Variants in EPB41L5 observed in about 807,000 individuals in gnomAD.
EPB41L5 encodes the protein band 4.1-like protein 5.
EPB41L5 carries 55 observed loss-of-function variants against 106.6 expected under a neutral mutation model. That is an observed-to-expected ratio of 0.52 (90% CI 0.42 to 0.65). The LOEUF is 0.65. Ranked by LOEUF, EPB41L5 falls within the 30% of genes least tolerant of loss-of-function variation. EPB41L5 has a pLI of 0.00. For synonymous variants in EPB41L5, 297 were observed against 306.7 expected (o/e 0.97, Z 0.33); for missense variants, 871 against 882.1 (o/e 0.99, Z 0.16).
chr2:120,136,657 G>T (rs1160367068), intron 18 of EPB41L5, among the ~76,000 whole-genome samples: 1 of 151,766 alleles, frequency 6.6e-6, no homozygotes, highest in East Asian at 1.9e-4. Context: ...GACAAAGAAG[G>T]TCATTATATA....
intron 10 of EPB41L5, among the ~76,000 whole-genome samples, chr2:120,084,530 C>T (rs370679599): frequency 7.2e-5 from 11 of 152,080 alleles, no homozygotes; most frequent in East Asian, 1.9e-4. Flanking sequence ...GTGGGTAACC[C>T]GACCTTTCTC....
intron 1 of EPB41L5, among the ~76,000 whole-genome samples, chr2:120,015,310 G>A (rs1677441355): frequency 6.7e-6 from 1 of 149,132 alleles, no homozygotes; most frequent in African/African-American, 2.5e-5. Flanking sequence ...CTGGGCAACA[G>A]AGCGAGACTC....
In EPB41L5 at chr2:120,176,184, G is replaced by A. The variant is rs1687912753; in HGVS notation, c.*1277G>A. ...GCTTTATAATTTTCGAATGAACAAGGTAAACCTCGGTTGCCATGGGGAAGA... is the reference window on the plus strand; with the variant it reads ...GCTTTATAATTTTCGAATGAACAAGATAAACCTCGGTTGCCATGGGGAAGA... On this transcript the variant is annotated 3_prime_UTR_variant, in exon 25 of 25. Transcript: ENST00000263713. 1 of 152,600 alleles carries A rather than the reference G, an allele frequency of 6.6e-6. No homozygotes were observed. Among genetic ancestry groups the A allele is most frequent in the Non-Finnish European group, 1.5e-5 (1 of 68,036 alleles). The allele number at this position is 152,600 out of a possible 1,614,324, so 9.5% of individuals were successfully genotyped here. A position where few individuals can be genotyped will look rare whatever the true frequency, so the allele number is the denominator to read the frequency against.
At chr2:120,153,903 T>C (rs1196199525) in intron 20 of EPB41L5, among the ~76,000 whole-genome samples, 1 of 152,240 alleles carries the variant, frequency 6.6e-6, no homozygotes, top group Non-Finnish European at 1.5e-5. Context: ...TAGTGAGGCT[T>C]GTAGATAACA....
At chr2:120,120,431 C>CAAAA (rs35837378) in intron 16 of EPB41L5, among the ~76,000 whole-genome samples, 1 of 92,806 alleles carries the variant, frequency 1.1e-5, no homozygotes, top group South Asian at 4.2e-4. Flanking sequence ...CACTCAATCT[C>CAAAA]AAAAAAAAAA....
In EPB41L5 at chr2:120,100,198, G is replaced by A. The variant is rs1271023623; in HGVS notation, c.1179-46G>A. ...GTGTTATCTTACAAAATGAAGTCCT[G>A]AAATTTCATATAGGGTTTTTAATTG... On this transcript the variant is annotated intron_variant, in intron 14 of 24. Coordinates refer to ENST00000263713, the MANE Select transcript of EPB41L5 (RefSeq NM_020909.4). 3 of 1,508,960 alleles carry A rather than the reference G, an allele frequency of 2.0e-6. No homozygotes were observed. In the Admixed American group the frequency reaches 5.2e-5, roughly 26 times the overall value. The allele number at this position is 1,508,960 out of a possible 1,614,324, so 93.5% of individuals were successfully genotyped here. A position where few individuals can be genotyped will look rare whatever the true frequency, so the allele number is the denominator to read the frequency against.
At chr2:120,095,154 C>T (rs543028749) in intron 14 of EPB41L5, among the ~76,000 whole-genome samples, 1 of 152,080 alleles carries the variant, frequency 6.6e-6, no homozygotes, top group African/African-American at 2.4e-5. Flanking sequence ...TTGTCTATTT[C>T]TTCCTTCAGT....
chr2:120,085,076 C>T (rs1014538592), intron 10 of EPB41L5, among the ~76,000 whole-genome samples: 1 of 152,102 alleles, frequency 6.6e-6, no homozygotes, highest in African/African-American at 2.4e-5. Context: ...TTCGAACTTC[C>T]TCCTTTAGCT....
chr2:120,030,517 G>A (rs972426682), intron 2 of EPB41L5, among the ~76,000 whole-genome samples: 2 of 152,066 alleles, frequency 1.3e-5, no homozygotes, highest in Non-Finnish European at 2.9e-5. Flanking sequence ...TGACCAGTCA[G>A]CATTCCCCTC....
intron 16 of EPB41L5, among the ~76,000 whole-genome samples, chr2:120,103,854 G>T (rs1330741640): frequency 6.6e-6 from 1 of 151,998 alleles, no homozygotes; most frequent in Non-Finnish European, 1.5e-5. Context: ...TTCCATATTG[G>T]TATTTTTCAT....
chr2:120,029,451 C>T (rs1031428327), intron 2 of EPB41L5, among the ~76,000 whole-genome samples: 12 of 152,184 alleles, frequency 7.9e-5, no homozygotes, highest in African/African-American at 2.4e-4. Context: ...CTGCCTCAAC[C>T]TCCCAAAGTG....
chr2:120,177,835 C>T lies in EPB41L5; in HGVS notation c.*2928C>T, dbSNP rs2104527722. On this transcript the variant is annotated 3_prime_UTR_variant, in exon 25 of 25. Coordinates refer to ENST00000263713, the MANE Select transcript of EPB41L5 (RefSeq NM_020909.4). ...TCCTATGGAGATTTAAGGATGAAAG[C>T]CCTGAGTTGTTCTTGGGTTCTTGGA... 6.6e-6 allele frequency: 1 copy of T among 152,280 alleles called. No homozygotes were observed. The allele number at this position is 152,280 out of a possible 1,614,324, so 9.4% of individuals were successfully genotyped here.
At chr2:120,161,114 ACAC>A in intron 21 of EPB41L5, 140 bp downstream of exon 21, 1 of 652,066 alleles carries the variant, frequency 1.5e-6, no homozygotes, top group South Asian at 1.8e-5. Context: ...ACAGGGGCTC[ACAC>A]CTATAATTCC....
chr2:120,036,842 G>A (rs1017641191), intron 2 of EPB41L5, among the ~76,000 whole-genome samples: 1 of 152,030 alleles, frequency 6.6e-6, no homozygotes, highest in Non-Finnish European at 1.5e-5. Context: ...GGAAAGAAAG[G>A]ATATAATATG....
intron 2 of EPB41L5, 113 bp downstream of exon 2, chr2:120,019,377 G>T: frequency 1.0e-6 from 1 of 957,230 alleles, no homozygotes; most frequent in Non-Finnish European, 1.5e-6. Flanking sequence ...GGTATTATGG[G>T]TTAGTATAGA....
At chr2:120,016,245 C>T (rs1401876436) in intron 1 of EPB41L5, among the ~76,000 whole-genome samples, 1 of 152,162 alleles carries the variant, frequency 6.6e-6, no homozygotes, top group African/African-American at 2.4e-5. Context: ...GCCTGGCCAA[C>T]ATGGTGAAAC....
Position 120,145,640 on chromosome 2 carries a change from A to T in EPB41L5, c.1729-585A>T, listed in dbSNP as rs181205209. 4.0e-3 allele frequency among the ~76,000 whole-genome samples: 614 copies of T among 152,144 alleles called. 4 individuals are homozygous for T. Among genetic ancestry groups the T allele is most frequent in the Middle Eastern group, 0.014 (4 of 294 alleles). On this transcript the variant is annotated intron_variant, in intron 19 of 24. Coordinates refer to ENST00000263713, the MANE Select transcript of EPB41L5 (RefSeq NM_020909.4). ...AAAAAAATTTATTAAACTGTACTTT[A>T]AAAAAAATTGGTGCATTATTGATGC... is the stretch of plus-strand genomic sequence containing the variant.
chr2:120,015,338 T>G (rs79712505), intron 1 of EPB41L5, among the ~76,000 whole-genome samples: 1 of 150,406 alleles, frequency 6.6e-6, no homozygotes, highest in Non-Finnish European at 1.5e-5. Flanking sequence ...AAAAAAAAAT[T>G]AGGTGGGGTC....
At chr2:120,063,119 C>G (rs975707522) in intron 3 of EPB41L5, among the ~76,000 whole-genome samples, 1 of 151,968 alleles carries the variant, frequency 6.6e-6, no homozygotes, top group African/African-American at 2.4e-5. Flanking sequence ...GTGGGCAGAT[C>G]ATATGAGGTC....
Sources: gnomAD v4.1 joint callset for allele counts (sites outside exome capture counted in the v4.1 genomes callset) on GRCh38, gnomAD v4.1.1 for gene constraint, MANE v1.5 for transcripts, NCBI Gene and HGNC (gene_info 2026-07-23, HGNC 2026-07-21) for gene names.